Variants in ASCC3 observed in about 807,000 individuals in gnomAD.
ASCC3 encodes ASC-1 complex subunit P200.
A neutral mutation model predicts 256.3 loss-of-function variants in ASCC3; 158 were observed. The observed-to-expected ratio is 0.62, with a 90% CI of 0.54 to 0.70. The LOEUF (loss-of-function observed/expected upper bound fraction) is 0.70. ASCC3 is among the 30% of genes least tolerant of loss of function. ASCC3 has a pLI of 0.00. For missense variants in ASCC3, 2,259 were observed against 2,626.0 expected, an observed-to-expected ratio of 0.86 and a Z score of 3.05; for synonymous variants, 948 against 883.4, an observed-to-expected ratio of 1.07 and a Z score of -1.30.
chr6:100,625,353 A>C lies in ASCC3; in HGVS notation c.4643-19T>G. 1 of 1,611,460 alleles carries C rather than the reference A, an allele frequency of 6.2e-7. No homozygotes were observed. Among genetic ancestry groups the C allele is most frequent in the Non-Finnish European group, 8.5e-7 (1 of 1,178,046 alleles). ...CTAATTGCTGTTGAAAAGTTGTGGG[A>C]AATAAAATGGAAAGATACTTAACCC... is the stretch of plus-strand genomic sequence containing the variant. On this transcript the variant is annotated intron_variant, in intron 29 of 41. Transcript: ENST00000369162.
At chr6:100,877,040 T>A (rs1211695441) in intron 1 of ASCC3, among the ~76,000 whole-genome samples, 1 of 152,186 alleles carries the variant, frequency 6.6e-6, no homozygotes, top group East Asian at 1.9e-4. Context: ...ATTGTAATGT[T>A]TATTCTTCTT....
chr6:100,614,996 T>C (rs1562168754), intron 30 of ASCC3, among the ~76,000 whole-genome samples: 2 of 151,882 alleles, frequency 1.3e-5, no homozygotes, highest in Non-Finnish European at 2.9e-5. Context: ...CAGCTACTAA[T>C]TTTTATTTTT....
At chr6:100,806,568 G>T (rs1413064176) in intron 4 of ASCC3, among the ~76,000 whole-genome samples, 2 of 151,762 alleles carry the variant, frequency 1.3e-5, no homozygotes, top group Non-Finnish European at 2.9e-5. Flanking sequence ...AGTATGATCT[G>T]GGAAGATACA....
chr6:100,580,016 C>A (rs972788716), intron 36 of ASCC3, among the ~76,000 whole-genome samples: 7 of 151,992 alleles, frequency 4.6e-5, no homozygotes, highest in African/African-American at 1.7e-4. Context: ...CAGTGTTTTA[C>A]AATTCTCGTT....
At chr6:100,792,428 T>A (rs892898060) in intron 8 of ASCC3, among the ~76,000 whole-genome samples, 1 of 151,888 alleles carries the variant, frequency 6.6e-6, no homozygotes, top group African/African-American at 2.4e-5. Context: ...ATGGCCTACA[T>A]GCTAATAAGA....
chr6:100,754,021 C>T (rs900770842), intron 10 of ASCC3, among the ~76,000 whole-genome samples: 2 of 152,022 alleles, frequency 1.3e-5, no homozygotes, highest in African/African-American at 2.4e-5. Context: ...ATTCAAATTC[C>T]TACTATTTAA....
intron 1 of ASCC3, among the ~76,000 whole-genome samples, chr6:100,874,464 CAAAAAA>C (rs530326162): frequency 1.2e-4 from 9 of 77,622 alleles, no homozygotes; most frequent in Non-Finnish European, 1.8e-4. Context: ...GACTCTGTCT[CAAAAAA>C]AAAAAAAAAA....
chr6:100,715,694 T>C (rs1467180094), intron 12 of ASCC3, among the ~76,000 whole-genome samples, 161 bp from the exon 13 acceptor site: 1 of 151,438 alleles, frequency 6.6e-6, no homozygotes, highest in East Asian at 1.9e-4. Context: ...TAACAATCCA[T>C]TAAAAAATAT....
intron 13 of ASCC3, among the ~76,000 whole-genome samples, chr6:100,700,088 G>T (rs948957918): frequency 6.6e-6 from 1 of 152,132 alleles, no homozygotes. Flanking sequence ...AGACAAAGGG[G>T]AAAATGTCTC....
chr6:100,744,292 G>A (rs749108934), intron 10 of ASCC3, among the ~76,000 whole-genome samples: 1 of 152,060 alleles, frequency 6.6e-6, no homozygotes, highest in African/African-American at 2.4e-5. Flanking sequence ...GAGAATGGAG[G>A]AGTAGGGGCA....
Position 100,548,052 on chromosome 6 carries a change from AC to A in ASCC3, c.5551-7666del, listed in dbSNP as rs1769081317. Among the ~76,000 whole-genome samples, 3 of 151,758 alleles carry A rather than the reference AC, an allele frequency of 2.0e-5. No individual in the cohort carries two copies. In the South Asian group the frequency reaches 6.2e-4, roughly 32 times the overall value. On this transcript the variant is annotated intron_variant, in intron 36 of 41. Transcript: ENST00000369162. ...AAAGAAGCCAGACCAAAAAAAAAAAACAGGAATACATACACTAGGATTTCAT... is the reference window on the plus strand; with the variant it reads ...AAAGAAGCCAGACCAAAAAAAAAAAAAGGAATACATACACTAGGATTTCAT...
At position 100,869,507 on chromosome 6, in the gene ASCC3, T is replaced by C. The variant is rs1379980491; in HGVS notation, c.-41-1469A>G. Among the ~76,000 whole-genome samples the C allele has an allele frequency of 3.3e-5, 5 of 152,148 alleles. No homozygotes were observed. The East Asian group carries it at 9.6e-4, about 29-fold the overall frequency. ...GTAGGATGATTTGAAAATACAACTT[T>C]TAGAAATAAAAATATATACTTGTTA... On this transcript the variant is annotated intron_variant, in intron 1 of 41. Transcript: ENST00000369162.
chr6:100,705,709 G>C (rs1490252433), intron 13 of ASCC3, among the ~76,000 whole-genome samples: 3 of 151,844 alleles, frequency 2.0e-5, no homozygotes, highest in Non-Finnish European at 4.4e-5. Flanking sequence ...AATTCAATTA[G>C]TTTACTTAGA....
intron 13 of ASCC3, among the ~76,000 whole-genome samples, chr6:100,690,323 C>T (rs973496901): frequency 2.6e-5 from 4 of 151,954 alleles, no homozygotes; most frequent in Non-Finnish European, 5.9e-5. Context: ...AAATATTTTC[C>T]ATGTGAAGTT....
chr6:100,608,061 CAT>C (rs1204085829), intron 30 of ASCC3, among the ~76,000 whole-genome samples: 4 of 11,412 alleles, frequency 3.5e-4, no homozygotes, highest in Admixed American at 1.1e-3. Context: ...CATATATACA[CAT>C]ATATATACAT....
chr6:100,879,305 G>A (rs531617862), intron 1 of ASCC3, among the ~76,000 whole-genome samples: 2 of 152,184 alleles, frequency 1.3e-5, no homozygotes, highest in African/African-American at 4.8e-5. Context: ...CACTACATAG[G>A]CATAATTGAT....
At chr6:100,605,346 A>G (rs1246212906) in intron 33 of ASCC3, among the ~76,000 whole-genome samples, 2 of 152,156 alleles carry the variant, frequency 1.3e-5, no homozygotes, top group African/African-American at 4.8e-5. Flanking sequence ...CTTCATAGTC[A>G]ATGCGTCTGA....
chr6:100,580,284 T>C (rs748812420), intron 36 of ASCC3, among the ~76,000 whole-genome samples: 27 of 151,756 alleles, frequency 1.8e-4, no homozygotes, highest in African/African-American at 6.3e-4. Context: ...GAGAGAAAAA[T>C]ATATAGCTCA....
Position 100,538,581 on chromosome 6 carries a change from G to A in ASCC3, c.5775+1582C>T, listed in dbSNP as rs1775282710. On this transcript the variant is annotated intron_variant, in intron 37 of 41. Transcript: ENST00000369162. ...ATTAAAAATCACCCCAATTCCTGCT[G>A]CTCAGATACGGCTACTGTTAATCTT... is the stretch of plus-strand genomic sequence containing the variant. Among the ~76,000 whole-genome samples the A allele has an allele frequency of 2.0e-5, 3 of 152,164 alleles. 1 individual carries two copies. The highest frequency in any genetic ancestry group is 2.0e-4 in the Admixed American group (3 of 15,286).
Sources: allele counts gnomAD v4.1 joint callset (sites outside exome capture counted in the v4.1 genomes callset), GRCh38; gene constraint gnomAD v4.1.1; transcripts MANE v1.5; gene names NCBI Gene and HGNC (gene_info 2026-07-23, HGNC 2026-07-21).